Variants in FAM81A observed in about 807,000 individuals in gnomAD.
The protein encoded by FAM81A is family with sequence similarity 81 member A, also known as protein FAM81A.
In FAM81A, 19 loss-of-function variants were observed where a neutral mutation model predicts 46.7. The ratio of observed to expected loss-of-function variants is 0.41; its 90% CI spans 0.28 to 0.60. The LOEUF (loss-of-function observed/expected upper bound fraction) is 0.60. Ranked by LOEUF, FAM81A falls within the 20% of genes least tolerant of loss-of-function variation. FAM81A has a pLI of 0.34. For synonymous variants in FAM81A, 183 were observed against 152.9 expected (o/e 1.20, Z -1.45); for missense variants, 377 against 453.5 (o/e 0.83, Z 1.53).
chr15:59,491,231 TAAGA>T (rs2081977489), intron 3 of FAM81A, among the ~76,000 whole-genome samples: 1 of 152,190 alleles, frequency 6.6e-6, no homozygotes, highest in African/African-American at 2.4e-5. Context: ...TATTCAGCCG[TAAGA>T]AAGAATGAGG....
chr15:59,520,431 G>A (rs1030049873), intron 8 of FAM81A, among the ~76,000 whole-genome samples: 6 of 152,020 alleles, frequency 3.9e-5, no homozygotes, highest in African/African-American at 1.2e-4. Context: ...ATTACACATC[G>A]TATTTAGTTG....
chr15:59,452,087 A>AT (rs1335094694), intron 1 of FAM81A, among the ~76,000 whole-genome samples: 1 of 152,152 alleles, frequency 6.6e-6, no homozygotes, highest in Non-Finnish European at 1.5e-5. Flanking sequence ...GTCTTGGATC[A>AT]TTTTTGTGGA....
chr15:59,499,152 T>C lies in FAM81A; in HGVS notation c.413+6763T>C, dbSNP rs566530944. 5.3e-5 allele frequency among the ~76,000 whole-genome samples: 8 copies of C among 152,336 alleles called. No homozygotes were observed. The South Asian group carries it at 1.7e-3, about 32-fold the overall frequency. On this transcript the variant is annotated intron_variant, in intron 4 of 8. Transcript: ENST00000288228. The stretch of plus-strand genomic sequence containing the variant: ...TTTCAATTGATAAGGTTTATTACAC[T>C]AATTGCTTTTCTGATGTTAAAGCAA...
intron 2 of FAM81A, among the ~76,000 whole-genome samples, chr15:59,425,148 G>A (rs186417481): frequency 1.8e-4 from 28 of 152,166 alleles, no homozygotes; most frequent in African/African-American, 6.5e-4. Context: ...ACCTCCCAAA[G>A]TGTTGGGATA....
At position 59,508,979 on chromosome 15, in the gene FAM81A, C is replaced by T; in HGVS notation, c.650+10C>T. On this transcript the variant is annotated intron_variant, in intron 6 of 8. Transcript: ENST00000288228. ...AGCTTTTGGACACTAAGTAAGCAAT[C>T]AATTTATTAAAAAAATAAAACTTAA... is the stretch of plus-strand genomic sequence containing the variant. The T allele has an allele frequency of 1.3e-6, 2 of 1,590,906 alleles. No individual in the cohort carries two copies. The highest frequency in any genetic ancestry group is 1.7e-6 in the Non-Finnish European group (2 of 1,167,926).
At chr15:59,472,323 G>T (rs544341179) in intron 3 of FAM81A, among the ~76,000 whole-genome samples, 2 of 152,104 alleles carry the variant, frequency 1.3e-5, no homozygotes, top group Non-Finnish European at 2.9e-5. Context: ...GGGTAACAGA[G>T]GGAGATGCTA....
intron 3 of FAM81A, among the ~76,000 whole-genome samples, chr15:59,482,949 T>G (rs1379028295): frequency 6.6e-6 from 1 of 152,170 alleles, no homozygotes; most frequent in Non-Finnish European, 1.5e-5. Flanking sequence ...TGTAACTAGT[T>G]TGTGTTCCTC....
At chr15:59,515,587 C>T (rs538417861) in intron 7 of FAM81A, among the ~76,000 whole-genome samples, 2 of 152,162 alleles carry the variant, frequency 1.3e-5, no homozygotes, top group East Asian at 3.9e-4. Context: ...CCCATAAAAA[C>T]CAAGCATGTG....
intron 3 of FAM81A, among the ~76,000 whole-genome samples, chr15:59,464,992 T>G (rs1030554357): frequency 6.6e-6 from 1 of 152,194 alleles, no homozygotes; most frequent in Non-Finnish European, 1.5e-5. Context: ...ATTTTTGTAT[T>G]GGGTGAGAGG....
Position 59,521,313 on chromosome 15 carries a change from A to C in FAM81A, c.1042A>C (p.Lys348Gln). 3 of 1,613,906 alleles carry C rather than the reference A, an allele frequency of 1.9e-6. No individual in the cohort carries two copies. Among genetic ancestry groups the C allele is most frequent in the Non-Finnish European group, 2.5e-6 (3 of 1,179,842 alleles). The change falls in exon 9 of 9, where the codon AAG becomes CAG. Residue 348 changes from lysine (K) to glutamine (Q), a missense_variant. By Grantham distance (53) the Lys-to-Gln change is moderately conservative (BLOSUM62 1). Coordinates refer to ENST00000288228, the MANE Select transcript of FAM81A (RefSeq NM_152450.3). ...CAGGCAAGTTCTCGAGGCCAAGATG[A>C]AGCTGGACAGGGACCAGCTACAGAA... ...SLRQVLEAKM[K>Q]LDRDQLQKQI...
intron 3 of FAM81A, among the ~76,000 whole-genome samples, chr15:59,484,905 G>A (rs1476995930): frequency 5.3e-5 from 8 of 152,176 alleles, no homozygotes; most frequent in African/African-American, 1.9e-4. Context: ...GCTCTGAAGG[G>A]TGAGTCCCAG....
intron 4 of FAM81A, among the ~76,000 whole-genome samples, chr15:59,503,680 C>G (rs573567662): frequency 5.3e-5 from 8 of 152,176 alleles, no homozygotes; most frequent in African/African-American, 1.9e-4. Flanking sequence ...TCAAGCGATT[C>G]TTGTGCCTCA....
Position 59,499,997 on chromosome 15 carries a change from C to T in FAM81A, c.414-7216C>T, listed in dbSNP as rs148984663. Reference sequence around the variant, plus strand: ...CCCCCTGTGTAGCTGGGATTACAGGCGTGCACCACCACACCTGGCTAATTT... The same window carrying T: ...CCCCCTGTGTAGCTGGGATTACAGGTGTGCACCACCACACCTGGCTAATTT... On this transcript the variant is annotated intron_variant, in intron 4 of 8. Coordinates refer to ENST00000288228, the MANE Select transcript of FAM81A (RefSeq NM_152450.3). 3.4e-3 allele frequency among the ~76,000 whole-genome samples: 515 copies of T among 152,046 alleles called. 1 individual carries two copies. The highest frequency in any genetic ancestry group is 5.9e-3 in the Non-Finnish European group (403 of 67,970).
chr15:59,470,150 T>A (rs971677812), intron 3 of FAM81A, among the ~76,000 whole-genome samples: 52 of 152,344 alleles, frequency 3.4e-4, no homozygotes, highest in African/African-American at 1.1e-3. Context: ...ACTTTTTCCT[T>A]CATTTCAACC....
At chr15:59,455,993 T>A (rs2081478838) in intron 1 of FAM81A, among the ~76,000 whole-genome samples, 1 of 152,208 alleles carries the variant, frequency 6.6e-6, no homozygotes, top group Admixed American at 6.5e-5. Context: ...CAGCCCTGTG[T>A]TTATTAAGAT....
Position 59,492,344 on chromosome 15 carries a change from T to TG in FAM81A, c.369dup (p.Arg124AlafsTer17). 6.2e-7 allele frequency: 1 copy of TG among 1,613,864 alleles called. No homozygotes were observed. On this transcript the variant is annotated frameshift_variant, in exon 4 of 9. Transcript: ENST00000288228. LOFTEE classifies it high-confidence loss of function. ...AATTCTGCCTTAAAGACCCTGGAGATGCGCCAGCTCTCCGGTTTGGGAGAT... is the reference window on the plus strand; with the variant it reads ...AATTCTGCCTTAAAGACCCTGGAGATGGCGCCAGCTCTCCGGTTTGGGAGAT...
chr15:59,441,276 A>C (rs749182297), intron 1 of FAM81A, among the ~76,000 whole-genome samples: 1 of 152,182 alleles, frequency 6.6e-6, no homozygotes, highest in Non-Finnish European at 1.5e-5. Context: ...CCTTCCCATA[A>C]GAAACTCTGG....
chr15:59,461,512 C>G (rs143948962), intron 3 of FAM81A, among the ~76,000 whole-genome samples: 1 of 152,062 alleles, frequency 6.6e-6, no homozygotes, highest in Non-Finnish European at 1.5e-5. Context: ...GTAGAGACAT[C>G]GTCTCACTAT....
intron 3 of FAM81A, among the ~76,000 whole-genome samples, chr15:59,470,411 CT>C (rs1284948604): frequency 2.0e-5 from 3 of 152,136 alleles, no homozygotes; most frequent in Non-Finnish European, 2.9e-5. Context: ...TCTTTTTACT[CT>C]TTTTTCTCTA....
Sources: allele counts gnomAD v4.1 joint callset (sites outside exome capture counted in the v4.1 genomes callset), GRCh38; gene constraint gnomAD v4.1.1; transcripts MANE v1.5; gene names NCBI Gene and HGNC (gene_info 2026-07-23, HGNC 2026-07-21).